Variants in RANBP2 observed in about 807,000 individuals in gnomAD.
RANBP2 encodes RAN binding protein 2, also known as E3 SUMO-protein ligase RanBP2.
RANBP2 carries 57 observed loss-of-function variants against 303.6 expected under a neutral mutation model. That is an observed-to-expected ratio of 0.19 (90% CI 0.15 to 0.23). The LOEUF is 0.23. Ranked by LOEUF, RANBP2 falls within the 10% of genes least tolerant of loss-of-function variation. The probability of loss-of-function intolerance (pLI) is 1.00; values close to 1 mark genes in which losing one functional copy is unlikely to be tolerated. For synonymous variants in RANBP2, 1,167 were observed against 1,301.5 expected, an observed-to-expected ratio of 0.90 and a Z score of 2.23; for missense variants, 3,138 against 3,780.8, an observed-to-expected ratio of 0.83 and a Z score of 4.46.
the RANBP2 span, among the ~76,000 whole-genome samples, chr2:109,621,237 C>T: frequency 6.6e-6 from 1 of 152,166 alleles, no homozygotes; most frequent in East Asian, 1.9e-4. Context: ...ACTGCAACCT[C>T]TGCCTCTCCG....
chr2:109,521,020 G>C, the RANBP2 span, among the ~76,000 whole-genome samples: 1 of 150,008 alleles, frequency 6.7e-6, no homozygotes, highest in Non-Finnish European at 1.5e-5. Flanking sequence ...ACGAGGTCAG[G>C]AGATCGAGAC....
At chr2:109,097,555 A>G in the RANBP2 span, among the ~76,000 whole-genome samples, 2 of 152,018 alleles carry the variant, frequency 1.3e-5, no homozygotes, top group African/African-American at 2.4e-5. Flanking sequence ...TATTTTGTGT[A>G]TAGTGTGACA....
At chr2:109,681,372 C>A in the RANBP2 span, among the ~76,000 whole-genome samples, 6 of 152,262 alleles carry the variant, frequency 3.9e-5, no homozygotes, top group Admixed American at 3.9e-4. Context: ...CTTATTTGTA[C>A]ACGTATTCAA....
rs138191683 is a variant in RANBP2 at position 108,766,809 on chromosome 2, G to A, written c.6270G>A (p.Thr2090=). 1.3e-4 allele frequency: 210 copies of A among 1,611,966 alleles called. No individual in the cohort carries two copies. In the African/African-American group the frequency reaches 2.5e-3, roughly 19 times the overall value. Residue 2090 remains threonine (T), a synonymous_variant, in exon 20 of 29, where the codon ACG becomes ACA. Coordinates refer to ENST00000283195, the MANE Select transcript of RANBP2 (RefSeq NM_006267.5). ...AAGTGTGTGCTAATCATTGGATAAC[G>A]ACTACGATGAACCTGAAGCCTCTCT... ...VLKVCANHWI[T]TTMNLKPLSG...
At chr2:109,443,344 C>T in the RANBP2 span, among the ~76,000 whole-genome samples, 1 of 152,206 alleles carries the variant, frequency 6.6e-6, no homozygotes, top group African/African-American at 2.4e-5. Context: ...GTGTTGCCCC[C>T]TATCGGCTCT....
the RANBP2 span, among the ~76,000 whole-genome samples, chr2:109,041,491 A>G: frequency 1.3e-5 from 2 of 151,426 alleles, no homozygotes; most frequent in Non-Finnish European, 2.9e-5. Flanking sequence ...CTAGGTTGCT[A>G]AGAGTTTTAA....
At chr2:109,144,231 A>G in the RANBP2 span, among the ~76,000 whole-genome samples, 1 of 152,278 alleles carries the variant, frequency 6.6e-6, no homozygotes, top group Non-Finnish European at 1.5e-5. Context: ...ACGTGAGGTG[A>G]TAGATATATA....
At chr2:108,850,826 CAATAATCATCCACACAG>C in the RANBP2 span, among the ~76,000 whole-genome samples, 2 of 151,824 alleles carry the variant, frequency 1.3e-5, no homozygotes, top group Non-Finnish European at 2.9e-5. Context: ...TCCCACATGA[CAATAATCATCCACACAG>C]AAGAAGACTT....
the RANBP2 span, chr2:109,615,752 G>A: frequency 1.2e-6 from 2 of 1,613,920 alleles, no homozygotes; most frequent in African/African-American, 2.7e-5. Flanking sequence ...TGCTTCCCTC[G>A]CATCTCATCA....
the RANBP2 span, among the ~76,000 whole-genome samples, chr2:108,797,875 A>T: frequency 6.6e-6 from 1 of 152,170 alleles, no homozygotes; most frequent in Non-Finnish European, 1.5e-5. Context: ...GGCTGTGAAC[A>T]TATAAAAAGA....
the RANBP2 span, among the ~76,000 whole-genome samples, chr2:109,228,962 C>T: frequency 6.6e-6 from 1 of 152,314 alleles, no homozygotes; most frequent in Non-Finnish European, 1.5e-5. Context: ...CTGGTCATGG[C>T]TAGGTCTTTC....
the RANBP2 span, among the ~76,000 whole-genome samples, chr2:109,650,015 T>C: frequency 2.0e-5 from 3 of 152,190 alleles, no homozygotes; most frequent in African/African-American, 7.2e-5. Context: ...GATCCTAAAG[T>C]TTCTCAGAAC....
chr2:108,952,395 T>C, the RANBP2 span, among the ~76,000 whole-genome samples: 1 of 152,232 alleles, frequency 6.6e-6, no homozygotes, highest in Non-Finnish European at 1.5e-5. Flanking sequence ...TTCTGAATAA[T>C]GAGGACATGA....
At chr2:108,869,141 C>A in the RANBP2 span, among the ~76,000 whole-genome samples, 2 of 151,930 alleles carry the variant, frequency 1.3e-5, no homozygotes, top group Non-Finnish European at 2.9e-5. Flanking sequence ...GTGCTTGTTT[C>A]CCCACAGAAA....
chr2:108,893,596 A>AG, the RANBP2 span, among the ~76,000 whole-genome samples: 2 of 152,142 alleles, frequency 1.3e-5, no homozygotes, highest in Admixed American at 1.3e-4. Flanking sequence ...GTGCTTAAAA[A>AG]ACAAAACAAA....
chr2:108,794,792 GAATAT>G, the RANBP2 span: 804,944 of 1,062,822 alleles, frequency 0.76, 308,054 homozygotes, highest in East Asian at 0.89. Context: ...TACGAAATTT[GAATAT>G]AATATATTTC....
chr2:108,978,149 G>A, the RANBP2 span, among the ~76,000 whole-genome samples: 2 of 152,340 alleles, frequency 1.3e-5, no homozygotes, highest in East Asian at 3.9e-4. Context: ...TCCCGCCCCT[G>A]TAATGCCAAG....
chr2:109,713,047 G>GCCAGC, the RANBP2 span, among the ~76,000 whole-genome samples: 7 of 152,080 alleles, frequency 4.6e-5, no homozygotes, highest in Admixed American at 1.3e-4. Flanking sequence ...TGAGGGGAGG[G>GCCAGC]CCAGCCCAGC....
chr2:109,239,549 G>C, the RANBP2 span, among the ~76,000 whole-genome samples: 1 of 152,224 alleles, frequency 6.6e-6, no homozygotes, highest in Non-Finnish European at 1.5e-5. Flanking sequence ...TCCGATGAGG[G>C]ACACGGGGTT....
Sources: allele counts gnomAD v4.1 joint callset (sites outside exome capture counted in the v4.1 genomes callset), GRCh38; gene constraint gnomAD v4.1.1; transcripts MANE v1.5; gene names NCBI Gene and HGNC (gene_info 2026-07-23, HGNC 2026-07-21).